KAT2B: variants seen among roughly 807,000 people sequenced by gnomAD.
The protein encoded by KAT2B is lysine acetyltransferase 2B, also known as histone acetyltransferase KAT2B.
A neutral mutation model predicts 105.9 loss-of-function variants in KAT2B; 36 were observed. The ratio of observed to expected loss-of-function variants is 0.34; its 90% CI spans 0.26 to 0.45. The LOEUF (loss-of-function observed/expected upper bound fraction) is 0.45, where lower values mean the gene tolerates loss of function less well. Among genes scored for constraint, KAT2B ranks in the 20% least tolerant of loss-of-function variants. The pLI is 1.00. For missense variants in KAT2B, 820 were observed against 1,021.6 expected (o/e 0.80, Z 2.69); for synonymous variants, 397 against 377.9 (o/e 1.05, Z -0.59).
intron 5 of KAT2B, 123 bp downstream of exon 5, chr3:20,101,591 A>G: frequency 1.4e-6 from 1 of 715,474 alleles, no homozygotes; most frequent in Non-Finnish European, 2.3e-6. Context: ...TTCAGAGATA[A>G]TGTCTTTATA....
rs1699903961 is a variant in KAT2B, at chr3:20,153,624, G to C, written c.*1099G>C. 6.6e-6 allele frequency: 1 copy of C among 152,498 alleles called. No individual in the cohort carries two copies. Among genetic ancestry groups the C allele is most frequent in the Non-Finnish European group, 1.5e-5 (1 of 67,974 alleles). 9.4% of individuals were successfully genotyped at this position (152,498 alleles called of 1,614,324 possible). On this transcript the variant is annotated 3_prime_UTR_variant, in exon 18 of 18. Transcript: ENST00000263754. ...ATCCATCATGCAACCTTATTAATCTGTCTTGGGATTCCAGTTTAGTGCTTG... is the reference window on the plus strand; with the variant it reads ...ATCCATCATGCAACCTTATTAATCTCTCTTGGGATTCCAGTTTAGTGCTTG...
At chr3:20,044,589 G>A (rs757172805) in intron 1 of KAT2B, among the ~76,000 whole-genome samples, 4 of 107,752 alleles carry the variant, frequency 3.7e-5, no homozygotes, top group Non-Finnish European at 9.1e-5. Context: ...TCACCTAGTC[G>A]GGGGTGAGGT....
chr3:20,126,064 C>T lies in KAT2B; in HGVS notation c.1573C>T (p.Gln525Ter), dbSNP rs1282457657. 1 of 1,613,550 alleles carries T rather than the reference C, an allele frequency of 6.2e-7. No individual in the cohort carries two copies. Among genetic ancestry groups the T allele is most frequent in the South Asian group, 1.1e-5 (1 of 91,026 alleles). The change falls in exon 10 of 18, where the codon CAG (glutamine) becomes TAG (stop). Residue 525 changes from glutamine to a stop codon, truncating the protein, a stop_gained. Transcript: ENST00000263754. LOFTEE classifies it high-confidence loss of function. ...LVGLQNVFSH[Q>*]LPRMPKEYIT... ...TGGCCTACAGAACGTTTTCTCCCAC[C>T]AGCTGCCCCGAATGCCAAAAGAATA...
chr3:20,150,879 C>A (rs1699858316), intron 17 of KAT2B, among the ~76,000 whole-genome samples: 1 of 139,090 alleles, frequency 7.2e-6, no homozygotes, highest in African/African-American at 2.7e-5. Context: ...CCCCCTCCCC[C>A]TTTTTGGGGG....
At chr3:20,087,319 A>T (rs6784715) in intron 2 of KAT2B, among the ~76,000 whole-genome samples, 1 of 152,098 alleles carries the variant, frequency 6.6e-6, no homozygotes, top group African/African-American at 2.4e-5. Flanking sequence ...CCTCATAAAT[A>T]TGTACAATTA....
intron 5 of KAT2B, among the ~76,000 whole-genome samples, chr3:20,107,395 C>T (rs1325434083): frequency 1.3e-5 from 2 of 151,640 alleles, no homozygotes; most frequent in African/African-American, 4.8e-5. Flanking sequence ...CGGTGGCCCA[C>T]GCCAGTAATC....
At chr3:20,061,970 T>TAGAA in intron 1 of KAT2B, among the ~76,000 whole-genome samples, 1 of 100,036 alleles carries the variant, frequency 1.0e-5, no homozygotes, top group Admixed American at 1.4e-4. Flanking sequence ...ACATAATATA[T>TAGAA]ATTATATATA....
rs774275826 is a variant in KAT2B at position 20,111,592 on chromosome 3, A to C, written c.852-4A>C. ...TTGATGGTGCTTGACTTCTCTTGTCACAGGTGGCTGTGTTACTGCAACGTG... is the reference window on the plus strand; with the variant it reads ...TTGATGGTGCTTGACTTCTCTTGTCCCAGGTGGCTGTGTTACTGCAACGTG... On this transcript the variant is annotated splice_polypyrimidine_tract_variant and splice_region_variant and intron_variant, in intron 5 of 17. Transcript: ENST00000263754. The C allele has an allele frequency of 6.2e-7, 1 of 1,604,304 alleles. No individual in the cohort carries two copies.
intron 1 of KAT2B, among the ~76,000 whole-genome samples, chr3:20,066,321 C>T (rs1698222283): frequency 6.6e-6 from 1 of 152,118 alleles, no homozygotes; most frequent in Admixed American, 6.5e-5. Context: ...ATTTCATCTG[C>T]ATGTCCTTAA....
chr3:20,068,993 G>A (rs1233018407), intron 1 of KAT2B, among the ~76,000 whole-genome samples: 1 of 152,182 alleles, frequency 6.6e-6, no homozygotes, highest in Non-Finnish European at 1.5e-5. Flanking sequence ...GGTTTCCTCT[G>A]ACTCTACAAA....
intron 3 of KAT2B, among the ~76,000 whole-genome samples, chr3:20,095,960 A>G (rs1698800869): frequency 6.6e-6 from 1 of 152,096 alleles, no homozygotes; most frequent in Non-Finnish European, 1.5e-5. Flanking sequence ...CAGAAACCTG[A>G]GTGGGAGATA....
intron 7 of KAT2B, 45 bp downstream of exon 7, chr3:20,115,033 A>G (rs1332598375): frequency 1.7e-6 from 2 of 1,194,660 alleles, no homozygotes; most frequent in Admixed American, 1.7e-5. Context: ...AGGGAGGCCA[A>G]CCTGAAGTGT....
chr3:20,089,120 T>C (rs574379766), intron 2 of KAT2B, among the ~76,000 whole-genome samples: 3 of 152,310 alleles, frequency 2.0e-5, no homozygotes, highest in African/African-American at 7.2e-5. Context: ...TTTGTTTTGA[T>C]TGAGATAGCT....
At chr3:20,135,142 C>T (rs553867830) in intron 11 of KAT2B, among the ~76,000 whole-genome samples, 12 of 152,268 alleles carry the variant, frequency 7.9e-5, no homozygotes, top group Admixed American at 2.6e-4. Flanking sequence ...GTGTTTTTAT[C>T]CAAGTTTTAT....
At chr3:20,084,779 G>T (rs759145421) in intron 2 of KAT2B, among the ~76,000 whole-genome samples, 55 of 152,080 alleles carry the variant, frequency 3.6e-4, no homozygotes, top group Non-Finnish European at 7.6e-4. Context: ...GAATGGGATG[G>T]GTTCTTGAGC....
intron 5 of KAT2B, among the ~76,000 whole-genome samples, chr3:20,107,883 A>C (rs1699050843): frequency 7.3e-6 from 1 of 136,164 alleles, no homozygotes; most frequent in African/African-American, 2.8e-5. Flanking sequence ...ATCTGAGCTC[A>C]CTGCAACCTT....
intron 7 of KAT2B, among the ~76,000 whole-genome samples, chr3:20,116,571 G>A (rs1699210185): frequency 6.6e-6 from 1 of 152,110 alleles, no homozygotes; most frequent in Admixed American, 6.6e-5. Flanking sequence ...TTAATATGCA[G>A]CAACATTTGA....
At chr3:20,122,940 C>A in intron 9 of KAT2B, 136 bp downstream of exon 9, 1 of 1,380,980 alleles carries the variant, frequency 7.2e-7, no homozygotes, top group South Asian at 1.9e-5. Flanking sequence ...ACCTGGTGGT[C>A]AGTGTGGAGA....
chr3:20,118,592 AG>A (rs1198674518), intron 7 of KAT2B, among the ~76,000 whole-genome samples: 1 of 150,186 alleles, frequency 6.7e-6, no homozygotes, highest in East Asian at 1.9e-4. Context: ...GAGTTGTGGC[AG>A]GCACCTGTAA....
Sources: gnomAD v4.1 joint callset for allele counts (sites outside exome capture counted in the v4.1 genomes callset) on GRCh38, gnomAD v4.1.1 for gene constraint, MANE v1.5 for transcripts, NCBI Gene and HGNC (gene_info 2026-07-23, HGNC 2026-07-21) for gene names.